HEMK2: variants seen among roughly 807,000 people sequenced by gnomAD.
HEMK2 encodes the protein HemK methyltransferase 2, ETF1 glutamine and histone H4 lysine.
chr21:28,798,605 T>C, the HEMK2 span, among the ~76,000 whole-genome samples: 2 of 152,294 alleles, frequency 1.3e-5, no homozygotes, highest in South Asian at 4.2e-4. Flanking sequence ...CACTCATTTT[T>C]TCCTTTTGAT....
the HEMK2 span, among the ~76,000 whole-genome samples, chr21:28,654,967 C>A: frequency 6.6e-6 from 1 of 151,908 alleles, no homozygotes; most frequent in Non-Finnish European, 1.5e-5. Flanking sequence ...TTGTCTTTTA[C>A]GCTCACCACT....
chr21:28,575,860 G>A, the HEMK2 span, among the ~76,000 whole-genome samples: 1 of 152,102 alleles, frequency 6.6e-6, no homozygotes, highest in Non-Finnish European at 1.5e-5. Flanking sequence ...TGTTCTCCGT[G>A]TTTATTCTTT....
chr21:28,587,652 T>C, the HEMK2 span, among the ~76,000 whole-genome samples: 3 of 152,202 alleles, frequency 2.0e-5, no homozygotes, highest in Non-Finnish European at 4.4e-5. Flanking sequence ...TCCCGCTAAA[T>C]GACATTTTCA....
chr21:28,710,441 T>C, the HEMK2 span, among the ~76,000 whole-genome samples: 2 of 152,224 alleles, frequency 1.3e-5, no homozygotes, highest in Non-Finnish European at 1.5e-5. Flanking sequence ...TTCGTGATTT[T>C]AAAAAATGGT....
the HEMK2 span, among the ~76,000 whole-genome samples, chr21:28,636,083 A>G: frequency 5.4e-4 from 82 of 152,152 alleles, no homozygotes; most frequent in Non-Finnish European, 1.0e-3. Context: ...ACTTGCCTAC[A>G]GTGGTTGTAG....
At chr21:28,583,940 T>C in the HEMK2 span, among the ~76,000 whole-genome samples, 2 of 152,228 alleles carry the variant, frequency 1.3e-5, no homozygotes, top group African/African-American at 2.4e-5. Context: ...TAGGATCATC[T>C]TGAAAGGTCC....
the HEMK2 span, among the ~76,000 whole-genome samples, chr21:28,858,913 T>C: frequency 6.6e-6 from 1 of 152,210 alleles, no homozygotes; most frequent in Non-Finnish European, 1.5e-5. Flanking sequence ...GAATTTTTAT[T>C]TATCCTCACA....
At chr21:28,794,367 T>A in the HEMK2 span, among the ~76,000 whole-genome samples, 2 of 152,346 alleles carry the variant, frequency 1.3e-5, no homozygotes, top group Middle Eastern at 3.4e-3. Flanking sequence ...GAGTTTTGCC[T>A]AAATATGGAT....
chr21:28,776,463 T>C, the HEMK2 span, among the ~76,000 whole-genome samples: 2 of 151,938 alleles, frequency 1.3e-5, no homozygotes, highest in Non-Finnish European at 2.9e-5. Flanking sequence ...GTGGTGAGAG[T>C]AGGAGAAAGG....
At chr21:28,750,465 A>G in the HEMK2 span, among the ~76,000 whole-genome samples, 15 of 152,196 alleles carry the variant, frequency 9.9e-5, no homozygotes, top group Middle Eastern at 0.02. Flanking sequence ...CTGGGAGGCC[A>G]AGGCAGGCAG....
At chr21:28,824,661 A>T in the HEMK2 span, among the ~76,000 whole-genome samples, 1 of 152,212 alleles carries the variant, frequency 6.6e-6, no homozygotes, top group Admixed American at 6.5e-5. Flanking sequence ...AAAGAGAGAG[A>T]GAGATAGAGA....
chr21:28,732,485 T>A, the HEMK2 span, among the ~76,000 whole-genome samples: 8,787 of 152,290 alleles, frequency 0.058, 354 homozygotes, highest in Middle Eastern at 0.11. Flanking sequence ...GGACTGCATA[T>A]GTGAAGGGGA....
chr21:28,628,813 T>C, the HEMK2 span, among the ~76,000 whole-genome samples: 2 of 152,230 alleles, frequency 1.3e-5, no homozygotes, highest in South Asian at 4.1e-4. Flanking sequence ...CGTGCTGCCA[T>C]TGGCTTTTTC....
chr21:28,592,151 A>G, the HEMK2 span, among the ~76,000 whole-genome samples: 1 of 152,188 alleles, frequency 6.6e-6, no homozygotes, highest in African/African-American at 2.4e-5. Context: ...GGCTGAACTA[A>G]TTTACACTCC....
At chr21:28,783,073 T>C in the HEMK2 span, among the ~76,000 whole-genome samples, 3 of 152,290 alleles carry the variant, frequency 2.0e-5, no homozygotes, top group African/African-American at 7.2e-5. Flanking sequence ...GGATTTTGGA[T>C]TTTTTTCAGA....
the HEMK2 span, among the ~76,000 whole-genome samples, chr21:28,818,955 T>C: frequency 1.2e-3 from 180 of 152,350 alleles, 1 homozygote; most frequent in African/African-American, 4.0e-3. Context: ...CTTTGGTATG[T>C]TGACCTAAGA....
chr21:28,672,780 TCTTGA>T, the HEMK2 span, among the ~76,000 whole-genome samples: 1 of 152,216 alleles, frequency 6.6e-6, no homozygotes, highest in South Asian at 2.1e-4. Flanking sequence ...TTTCCATTTT[TCTTGA>T]CTTGTTTTAA....
the HEMK2 span, among the ~76,000 whole-genome samples, chr21:28,850,864 CAAG>C: frequency 1.3e-5 from 2 of 152,090 alleles, no homozygotes; most frequent in African/African-American, 4.8e-5. Context: ...GTGAACTCCC[CAAG>C]AAGCTATCAG....
At chr21:28,841,190 A>ATATT in the HEMK2 span, among the ~76,000 whole-genome samples, 3 of 21,440 alleles carry the variant, frequency 1.4e-4, no homozygotes, top group East Asian at 8.3e-3. Flanking sequence ...TATATATTAT[A>ATATT]ATATATATAT....
Sources: gnomAD v4.1 joint callset for allele counts (sites outside exome capture counted in the v4.1 genomes callset) on GRCh38, gnomAD v4.1.1 for gene constraint, MANE v1.5 for transcripts, NCBI Gene and HGNC (gene_info 2026-07-23, HGNC 2026-07-21) for gene names.